The following ACSL1 variants were observed in gnomAD, a reference collection of about 807,000 sequenced individuals.
ACSL1 encodes long-chain-fatty-acid--CoA ligase 1.
ACSL1 carries 41 observed loss-of-function variants against 98.4 expected under a neutral mutation model. The ratio of observed to expected loss-of-function variants is 0.42; its 90% CI spans 0.32 to 0.54. The LOEUF (loss-of-function observed/expected upper bound fraction) is 0.54, where lower values mean the gene tolerates loss of function less well. ACSL1 is among the 20% of genes least tolerant of loss of function. ACSL1 has a pLI of 0.13. For synonymous variants in ACSL1, 316 were observed against 322.7 expected (o/e 0.98, Z 0.22); for missense variants, 734 against 883.1 (o/e 0.83, Z 2.14).
intron 10 of ACSL1, among the ~76,000 whole-genome samples, chr4:184,772,535 C>A (rs990903949): frequency 6.6e-6 from 1 of 152,154 alleles, no homozygotes; most frequent in Admixed American, 6.6e-5. Flanking sequence ...ATGTCAACAT[C>A]CTAACTCCCA....
intron 2 of ACSL1, among the ~76,000 whole-genome samples, chr4:184,791,045 T>C (rs959100830): frequency 2.0e-5 from 3 of 152,182 alleles, no homozygotes; most frequent in Non-Finnish European, 2.9e-5. Context: ...GATGGTGAAG[T>C]GTGGTTGTCT....
At position 184,757,944 on chromosome 4, in the gene ACSL1, T is replaced by C. The variant is rs933612028; in HGVS notation, c.1783-24A>G. 6.3e-7 allele frequency: 1 copy of C among 1,596,600 alleles called. No homozygotes were observed. Among genetic ancestry groups the C allele is most frequent in the Non-Finnish European group, 8.6e-7 (1 of 1,164,616 alleles). ...GCCTTTAACACAGACAAATGAGTTA[T>C]TACATAGCTTGATCCAAATGCTCTA... On this transcript the variant is annotated intron_variant, in intron 18 of 20. Transcript: ENST00000281455. The surrounding 1 kb of genome is among the most constrained non-coding windows in gnomAD (Gnocchi z 4.5).
chr4:184,813,790 G>A (rs924840636), intron 1 of ACSL1: 1 of 455,276 alleles, frequency 2.2e-6, no homozygotes, highest in Non-Finnish European at 4.4e-6. Flanking sequence ...CAGCAGAGAG[G>A]ATCAAATGTC....
intron 10 of ACSL1, 110 bp from the exon 11 acceptor site, chr4:184,770,586 T>C: frequency 3.1e-6 from 2 of 646,534 alleles, no homozygotes; most frequent in Non-Finnish European, 5.4e-6. Context: ...GGGATAGCAT[T>C]AGGAGATATA....
Position 184,815,299 on chromosome 4 carries a change from C to G in ACSL1, c.-33+10617G>C, listed in dbSNP as rs62338221. Among the ~76,000 whole-genome samples, 33 of 152,126 alleles carry G rather than the reference C, an allele frequency of 2.2e-4. 1 individual carries two copies. The highest frequency in any genetic ancestry group is 4.1e-4 in the Non-Finnish European group (28 of 67,990). ...AGGCAGGGAGGAGGCCCTGAAGGAGCGGCAGGTGGGCTGGGGACTCGCAGC... is the reference window on the plus strand; with the variant it reads ...AGGCAGGGAGGAGGCCCTGAAGGAGGGGCAGGTGGGCTGGGGACTCGCAGC... On this transcript the variant is annotated intron_variant, in intron 1 of 20. Transcript: ENST00000281455.
chr4:184,823,030 T>C (rs1773190375), intron 1 of ACSL1, among the ~76,000 whole-genome samples: 1 of 152,202 alleles, frequency 6.6e-6, no homozygotes, highest in Non-Finnish European at 1.5e-5. Context: ...AGTACCAACA[T>C]GTTGAAACTC....
chr4:184,817,307 T>G (rs1461766774), intron 1 of ACSL1, among the ~76,000 whole-genome samples: 1 of 152,136 alleles, frequency 6.6e-6, no homozygotes, highest in East Asian at 1.9e-4. Context: ...AATAAATAAA[T>G]GCACCCCTCA....
intron 1 of ACSL1, chr4:184,808,556 C>T: frequency 1.0e-6 from 1 of 961,072 alleles, no homozygotes; most frequent in Non-Finnish European, 1.2e-6. Context: ...CGCCTCCTCC[C>T]CTTGTACAAT....
chr4:184,816,807 G>A (rs527399650), intron 1 of ACSL1, among the ~76,000 whole-genome samples: 1 of 152,190 alleles, frequency 6.6e-6, no homozygotes, highest in South Asian at 2.1e-4. Context: ...CCGCGTGGGG[G>A]TATCATGTGC....
chr4:184,809,790 T>A lies in ACSL1; in HGVS notation c.-32-6244A>T, dbSNP rs370751899. Among the ~76,000 whole-genome samples the A allele has an allele frequency of 1.7e-4, 26 of 152,286 alleles. No homozygotes were observed. The East Asian group carries it at 4.4e-3, about 26-fold the overall frequency. On this transcript the variant is annotated intron_variant, in intron 1 of 20. Coordinates refer to ENST00000281455, the MANE Select transcript of ACSL1 (RefSeq NM_001995.5). The stretch of plus-strand genomic sequence containing the variant: ...CAGCCTGGGCGACAGAGCGAGACTC[T>A]GTCTCAAAAAAAATAAAAATAAAAT...
intron 11 of ACSL1, among the ~76,000 whole-genome samples, chr4:184,769,297 A>AT (rs1187684434): frequency 6.6e-6 from 1 of 152,004 alleles, no homozygotes; most frequent in Non-Finnish European, 1.5e-5. Flanking sequence ...ACACTGCATG[A>AT]TTTTTTTCCT....
intron 11 of ACSL1, among the ~76,000 whole-genome samples, chr4:184,769,251 A>G (rs971527475): frequency 2.0e-5 from 3 of 152,186 alleles, no homozygotes; most frequent in Non-Finnish European, 4.4e-5. Flanking sequence ...ACACCAGGGT[A>G]TCTAATACCA....
At position 184,803,683 on chromosome 4, in the gene ACSL1, C is replaced by A; in HGVS notation, c.-32-137G>T. ...GCATTAAACCCACAATCTAATGATC[C>A]GGGGCTTTTCCTGGCTGTCAAGTGT... On this transcript the variant is annotated intron_variant, in intron 1 of 20. Transcript: ENST00000281455. The surrounding 1 kb of genome is among the most constrained non-coding windows in gnomAD (Gnocchi z 4.8). The A allele has an allele frequency of 2.2e-6, 1 of 457,904 alleles. No homozygotes were observed. The highest frequency in any genetic ancestry group is 3.6e-6 in the Non-Finnish European group (1 of 275,412). The allele number at this position is 457,904 out of a possible 1,614,324, so 28.4% of individuals were successfully genotyped here.
chr4:184,820,918 T>C, intron 1 of ACSL1: 1 of 419,530 alleles, frequency 2.4e-6, no homozygotes, highest in South Asian at 1.7e-5. Flanking sequence ...GAGTGAGAAC[T>C]TCTAGCTCTG....
chr4:184,757,136 T>C lies in ACSL1; in HGVS notation c.2086A>G (p.Ile696Val), dbSNP rs1406689921. Residue 696 changes from isoleucine (I) to valine (V), a missense_variant, in exon 21 of 21, where the codon ATC becomes GTC. Coordinates refer to ENST00000281455, the MANE Select transcript of ACSL1 (RefSeq NM_001995.5). The surrounding 1 kb of genome is among the most constrained non-coding windows in gnomAD (Gnocchi z 4.5). Reference sequence around the variant, plus strand: ...CTTTCTTCTTCACACTAAACCTTGATAGTGGAATAGAGGTCATCTATCTGC... The same window carrying C: ...CTTTCTTCTTCACACTAAACCTTGACAGTGGAATAGAGGTCATCTATCTGC... ...RSQIDDLYST[I>V]KV 25 of 1,588,828 alleles carry C rather than the reference T, an allele frequency of 1.6e-5. No homozygotes were observed. The East Asian group carries it at 4.3e-4, about 27-fold the overall frequency.
intron 15 of ACSL1, 122 bp from the exon 16 acceptor site, chr4:184,763,377 T>C: frequency 1.2e-6 from 1 of 842,884 alleles, no homozygotes; most frequent in South Asian, 1.6e-5. Context: ...TTCTGATTTC[T>C]GCAATTACAG....
Position 184,803,463 on chromosome 4 carries a change from A to G in ACSL1, c.52T>C (p.Phe18Leu). Residue 18 changes from phenylalanine to leucine, a missense_variant, in exon 2 of 21, where the codon TTC becomes CTC. Phe to Leu is a conservative substitution (Grantham distance 22). Transcript: ENST00000281455. The surrounding 1 kb of genome is among the most constrained non-coding windows in gnomAD (Gnocchi z 4.8). ...RYFRMPELVD[F>L]RQYVRTLPTN... Reference sequence around the variant, plus strand: ...GGAAGAGTACGCACGTACTGTCGGAAGTCAACCAGCTCTGGCATTCGAAAA... The same window carrying G: ...GGAAGAGTACGCACGTACTGTCGGAGGTCAACCAGCTCTGGCATTCGAAAA... 1.2e-6 allele frequency: 2 copies of G among 1,612,128 alleles called. No homozygotes were observed. The highest frequency in any genetic ancestry group is 1.7e-6 in the Non-Finnish European group (2 of 1,178,944).
intron 1 of ACSL1, among the ~76,000 whole-genome samples, chr4:184,809,029 C>T (rs1251561792): frequency 6.6e-6 from 1 of 152,204 alleles, no homozygotes; most frequent in Admixed American, 6.5e-5. Flanking sequence ...TGCCTTGTGG[C>T]TTTTTCTTCC....
Position 184,769,001 on chromosome 4 carries a change from G to A in ACSL1, c.994-551C>T, listed in dbSNP as rs562738475. Among the ~76,000 whole-genome samples the A allele has an allele frequency of 4.0e-5, 6 of 151,830 alleles. No homozygotes were observed. The South Asian group carries it at 8.3e-4, about 21-fold the overall frequency. ...GGAGAATCGCTTGAACCCAGGAGGCGGAGATTGCAGTGGGCTGAGATTGTG... is the reference window on the plus strand; with the variant it reads ...GGAGAATCGCTTGAACCCAGGAGGCAGAGATTGCAGTGGGCTGAGATTGTG... On this transcript the variant is annotated intron_variant, in intron 11 of 20. Transcript: ENST00000281455.
Sources: allele counts gnomAD v4.1 joint callset (sites outside exome capture counted in the v4.1 genomes callset), GRCh38; gene constraint gnomAD v4.1.1; non-coding constraint Gnocchi (gnomAD v3.1); transcripts MANE v1.5; gene names NCBI Gene and HGNC (gene_info 2026-07-23, HGNC 2026-07-21).